Variants in LRP2 observed in about 807,000 individuals in gnomAD.
LRP2 encodes the protein low-density lipoprotein receptor-related protein 2.
LRP2 carries 172 observed loss-of-function variants against 531.0 expected under a neutral mutation model. That is an observed-to-expected ratio of 0.32 (90% CI 0.29 to 0.37). LRP2 has a LOEUF of 0.37. Ranked by LOEUF, LRP2 falls within the 10% of genes least tolerant of loss-of-function variation. LRP2 has a pLI of 1.00. For synonymous variants in LRP2, 1,992 were observed against 2,027.6 expected, an observed-to-expected ratio of 0.98 and a Z score of 0.47; for missense variants, 5,167 against 5,868.3, an observed-to-expected ratio of 0.88 and a Z score of 3.90.
chr2:169,318,924 C>T, intron 2 of LRP2, 40 bp from the exon 3 acceptor site: 4 of 1,613,044 alleles, frequency 2.5e-6, no homozygotes, highest in Non-Finnish European at 3.4e-6. Context: ...GGCAATCATC[C>T]TCCCCATTAT....
chr2:169,234,754 A>C (rs766028747), intron 29 of LRP2, among the ~76,000 whole-genome samples: 23 of 152,200 alleles, frequency 1.5e-4, no homozygotes, highest in Non-Finnish European at 3.1e-4. Flanking sequence ...GTGTAAAAGC[A>C]TTCCTATTTT....
intron 33 of LRP2, among the ~76,000 whole-genome samples, chr2:169,222,240 C>G (rs1689045033): frequency 6.6e-6 from 1 of 152,090 alleles, no homozygotes; most frequent in Admixed American, 6.6e-5. Context: ...CATGGATTTT[C>G]TAAAAATATT....
chr2:169,162,410 C>A, intron 63 of LRP2, 62 bp downstream of exon 63: 2 of 1,580,434 alleles, frequency 1.3e-6, no homozygotes, highest in Non-Finnish European at 1.7e-6. Flanking sequence ...TATGTTATTG[C>A]ATGTTTTAAT....
At chr2:169,356,568 G>A (rs1357138830) in intron 1 of LRP2, among the ~76,000 whole-genome samples, 7 of 152,194 alleles carry the variant, frequency 4.6e-5, no homozygotes, top group Admixed American at 4.6e-4. Flanking sequence ...AGCATGTGTG[G>A]TACTGGATTT....
rs771018329 is a variant in LRP2, at chr2:169,216,272, G to T, written c.5807C>A (p.Ala1936Glu). The T allele has an allele frequency of 5.0e-6, 8 of 1,613,458 alleles. No individual in the cohort carries two copies. Among genetic ancestry groups the T allele is most frequent in the South Asian group, 1.1e-5 (1 of 91,078 alleles). Residue 1936 changes from alanine (A) to glutamate (E), a missense_variant, in exon 35 of 79, where the codon GCA becomes GAA. Physicochemically the swap from Ala to Glu is moderately radical, Grantham distance 107. Coordinates refer to ENST00000649046, the MANE Select transcript of LRP2 (RefSeq NM_004525.3). The stretch of plus-strand genomic sequence containing the variant: ...TCATACCACTCCTCTTCCAGTGACT[G>T]CCCAGTAGAGTTTCTGCTCTTCGAT... ...LDIEEQKLYWAVTGRGVIERG... is the reference protein window; with the variant it reads ...LDIEEQKLYWEVTGRGVIERG...
At chr2:169,322,826 T>C (rs1254900946) in intron 1 of LRP2, among the ~76,000 whole-genome samples, 5 of 152,200 alleles carry the variant, frequency 3.3e-5, no homozygotes. Flanking sequence ...CAGTTTCATA[T>C]TGCTATGGAG....
chr2:169,128,138 C>T lies in LRP2; in HGVS notation c.*525G>A, dbSNP rs996916770. The T allele has an allele frequency of 6.1e-6, 1 of 164,094 alleles. No individual in the cohort carries two copies. The highest frequency in any genetic ancestry group is 1.3e-5 in the Non-Finnish European group (1 of 75,564). 10.2% of individuals were successfully genotyped at this position (164,094 alleles called of 1,614,324 possible). A position where few individuals can be genotyped will look rare whatever the true frequency, so the allele number is the denominator to read the frequency against. On this transcript the variant is annotated 3_prime_UTR_variant, in exon 79 of 79. Transcript: ENST00000649046. ...ATGTCTATACAACACATAGTGGCCC[C>T]TATCAACATAGCCATTAATCAAATT...
In LRP2 at chr2:169,203,891, T is replaced by C. The variant is rs1164666183; in HGVS notation, c.8005+91A>G. Reference sequence around the variant, plus strand: ...ACCCTGACATCAAGGAGAATTTGAATTTTTTCTCCTGTGAGAACTTCAGCT... The same window carrying C: ...ACCCTGACATCAAGGAGAATTTGAACTTTTTCTCCTGTGAGAACTTCAGCT... On this transcript the variant is annotated intron_variant, in intron 42 of 78. Transcript: ENST00000649046. 3.5e-6 allele frequency: 5 copies of C among 1,410,584 alleles called. No individual in the cohort carries two copies. The African/African-American group carries it at 7.0e-5, about 20-fold the overall frequency. The allele number at this position is 1,410,584 out of a possible 1,614,324, so 87.4% of individuals were successfully genotyped here.
At chr2:169,312,662 A>T (rs1341432312) in intron 3 of LRP2, among the ~76,000 whole-genome samples, 1 of 152,114 alleles carries the variant, frequency 6.6e-6, no homozygotes, top group African/African-American at 2.4e-5. Context: ...AACTTTGGTG[A>T]ATCTGACAAT....
chr2:169,351,882 A>T (rs1685860184), intron 1 of LRP2, among the ~76,000 whole-genome samples: 1 of 152,200 alleles, frequency 6.6e-6, no homozygotes, highest in African/African-American at 2.4e-5. Context: ...GCGCGTATGT[A>T]TGCAGGGAAG....
intron 68 of LRP2, among the ~76,000 whole-genome samples, chr2:169,150,314 G>A (rs1053155812): frequency 3.3e-5 from 5 of 152,110 alleles, no homozygotes; most frequent in African/African-American, 1.2e-4. Context: ...TAAATACCAA[G>A]TCATTTCAGC....
chr2:169,347,058 C>T (rs1023818592), intron 1 of LRP2, among the ~76,000 whole-genome samples: 11 of 152,302 alleles, frequency 7.2e-5, no homozygotes, highest in African/African-American at 2.4e-4. Flanking sequence ...GACTATATCA[C>T]ACCTCTAGTA....
intron 16 of LRP2, among the ~76,000 whole-genome samples, chr2:169,260,381 G>C (rs1559044119): frequency 1.3e-5 from 2 of 152,050 alleles, no homozygotes; most frequent in East Asian, 3.9e-4. Context: ...AGTGTGGCTG[G>C]AGGTTAATGA....
chr2:169,162,399 T>G (rs1329876397), intron 63 of LRP2, 73 bp downstream of exon 63: 1 of 1,549,890 alleles, frequency 6.5e-7, no homozygotes, highest in Non-Finnish European at 8.9e-7. Context: ...AGTGTCTACA[T>G]TATGTTATTG....
At chr2:169,316,925 G>A (rs1455221463) in intron 3 of LRP2, among the ~76,000 whole-genome samples, 4 of 152,132 alleles carry the variant, frequency 2.6e-5, no homozygotes, top group Admixed American at 2.6e-4. Flanking sequence ...TCAAGAAGGA[G>A]GAATGGTCTC....
At chr2:169,134,536 G>A (rs944294725) in intron 76 of LRP2, among the ~76,000 whole-genome samples, 3 of 152,080 alleles carry the variant, frequency 2.0e-5, no homozygotes, top group Admixed American at 2.0e-4. Flanking sequence ...ACTGATAGCA[G>A]TTCCACCAGG....
chr2:169,355,437 T>C (rs1002615158), intron 1 of LRP2, among the ~76,000 whole-genome samples: 10 of 152,200 alleles, frequency 6.6e-5, no homozygotes, highest in African/African-American at 2.4e-4. Context: ...TCCCAATAAT[T>C]ACCCCCATTT....
In LRP2 at chr2:169,193,811, C is replaced by G; in HGVS notation, c.8780G>C (p.Gly2927Ala). Reference sequence around the variant, plus strand: ...ACTCATATCCCCACAGTCATTATCACCGTCACAGATCCATTCGCTTGGGAT... The same window carrying G: ...ACTCATATCCCCACAGTCATTATCAGCGTCACAGATCCATTCGCTTGGGAT... Reference protein sequence around the residue: ...RCIPSEWICDGDNDCGDMSDE... With the variant: ...RCIPSEWICDADNDCGDMSDE... Residue 2927 changes from glycine to alanine, a missense_variant, in exon 47 of 79, where the codon GGT becomes GCT. Physicochemically the swap from Gly to Ala is moderately conservative, Grantham distance 60. Transcript: ENST00000649046. 4 of 1,614,186 alleles carry G rather than the reference C, an allele frequency of 2.5e-6. No individual in the cohort carries two copies. The highest frequency in any genetic ancestry group is 3.4e-6 in the Non-Finnish European group (4 of 1,180,034).
At chr2:169,234,146 T>G (rs1689516704) in intron 29 of LRP2, among the ~76,000 whole-genome samples, 1 of 152,188 alleles carries the variant, frequency 6.6e-6, no homozygotes, top group Non-Finnish European at 1.5e-5. Flanking sequence ...ATTTTTTATT[T>G]TACTTTAAGT....
Sources: gnomAD v4.1 joint callset for allele counts (sites outside exome capture counted in the v4.1 genomes callset) on GRCh38, gnomAD v4.1.1 for gene constraint, MANE v1.5 for transcripts, NCBI Gene and HGNC (gene_info 2026-07-23, HGNC 2026-07-21) for gene names.